The following CDKAL1 variants were observed in gnomAD, a reference collection of about 807,000 sequenced individuals.
CDKAL1 encodes the protein threonylcarbamoyladenosine tRNA methylthiotransferase.
In CDKAL1, 32 loss-of-function variants were observed where a neutral mutation model predicts 68.2. The observed-to-expected ratio is 0.47, with a 90% CI of 0.35 to 0.63. The LOEUF is 0.63. Ranked by LOEUF, CDKAL1 falls within the 30% of genes least tolerant of loss-of-function variation. CDKAL1 has a pLI of 0.00. For synonymous variants in CDKAL1, 234 were observed against 244.3 expected, an observed-to-expected ratio of 0.96 and a Z score of 0.39; for missense variants, 606 against 696.7, an observed-to-expected ratio of 0.87 and a Z score of 1.47.
At chr6:20,571,268 A>G (rs1327956964) in intron 4 of CDKAL1, among the ~76,000 whole-genome samples, 3 of 152,198 alleles carry the variant, frequency 2.0e-5, no homozygotes, top group African/African-American at 7.2e-5. Context: ...TTCATATATA[A>G]AATAAGCAAG....
At chr6:21,045,785 G>A (rs532293508) in intron 11 of CDKAL1, among the ~76,000 whole-genome samples, 1 of 152,222 alleles carries the variant, frequency 6.6e-6, no homozygotes, top group Admixed American at 6.5e-5. Context: ...ATGATGGAGG[G>A]GTGCTGAGAA....
At chr6:20,863,433 CTTAT>C (rs982518068) in intron 9 of CDKAL1, among the ~76,000 whole-genome samples, 5 of 151,820 alleles carry the variant, frequency 3.3e-5, no homozygotes, top group African/African-American at 9.6e-5. Flanking sequence ...TTGGGTCTTA[CTTAT>C]CTTGATATCA....
chr6:21,225,257 C>A (rs1779698000), intron 15 of CDKAL1, among the ~76,000 whole-genome samples: 1 of 152,100 alleles, frequency 6.6e-6, no homozygotes, highest in South Asian at 2.1e-4. Context: ...CCTGAGCAAG[C>A]AGTAAGTAGA....
intron 10 of CDKAL1, among the ~76,000 whole-genome samples, chr6:20,996,677 TAA>T (rs1234678746): frequency 5.9e-5 from 9 of 152,138 alleles, no homozygotes; most frequent in African/African-American, 2.2e-4. Context: ...AGTAATAATT[TAA>T]AAAGTCTAAA....
rs118143563 is a variant in CDKAL1 at position 21,103,497 on chromosome 6, T to C, written c.1237-4904T>C. Reference sequence around the variant, plus strand: ...TGGAGAGTGGAATATAAAAGCAATTTATGAAGTGCCTGTAAGATGAAGATT... The same window carrying C: ...TGGAGAGTGGAATATAAAAGCAATTCATGAAGTGCCTGTAAGATGAAGATT... On this transcript the variant is annotated intron_variant, in intron 12 of 15. Transcript: ENST00000274695. Among the ~76,000 whole-genome samples, 35 of 152,214 alleles carry C rather than the reference T, an allele frequency of 2.3e-4. No individual in the cohort carries two copies. In the East Asian group the frequency reaches 6.6e-3, roughly 29 times the overall value.
chr6:20,957,008 TAAAAA>T (rs70990087), intron 10 of CDKAL1, among the ~76,000 whole-genome samples: 1 of 113,828 alleles, frequency 8.8e-6, no homozygotes, highest in African/African-American at 3.5e-5. Context: ...TGATTCTCTG[TAAAAA>T]AAAAAAAAAA....
intron 4 of CDKAL1, among the ~76,000 whole-genome samples, chr6:20,632,753 A>C (rs978474694): frequency 9.9e-5 from 15 of 152,032 alleles, no homozygotes; most frequent in African/African-American, 3.6e-4. Context: ...CTATCTCCTG[A>C]GTTTGGCTCT....
At chr6:20,989,118 T>C (rs1766654615) in intron 10 of CDKAL1, among the ~76,000 whole-genome samples, 1 of 151,754 alleles carries the variant, frequency 6.6e-6, no homozygotes, top group Admixed American at 6.6e-5. Flanking sequence ...CAAACAGTAA[T>C]ACGGTTTACC....
At chr6:20,558,656 C>T in intron 4 of CDKAL1, 1 of 452,356 alleles carries the variant, frequency 2.2e-6, no homozygotes, top group Non-Finnish European at 4.5e-6. Flanking sequence ...TTCATCACAC[C>T]ACATTTCCAT....
At chr6:21,093,890 C>G (rs2150974075) in intron 12 of CDKAL1, among the ~76,000 whole-genome samples, 1 of 126,476 alleles carries the variant, frequency 7.9e-6, no homozygotes, top group South Asian at 3.0e-4. Flanking sequence ...ACCACCACAC[C>G]TGGCTTTTTT....
At chr6:20,789,972 G>C (rs917381102) in intron 8 of CDKAL1, among the ~76,000 whole-genome samples, 3 of 152,108 alleles carry the variant, frequency 2.0e-5, no homozygotes, top group South Asian at 2.1e-4. Flanking sequence ...TAATTTTTTT[G>C]TAGAGATAAG....
In CDKAL1 at chr6:20,717,882, C is replaced by T. The variant is rs139265771; in HGVS notation, c.372-21637C>T. Among the ~76,000 whole-genome samples, 511 of 152,166 alleles carry T rather than the reference C, an allele frequency of 3.4e-3. 5 individuals are homozygous for T. Among genetic ancestry groups the T allele is most frequent in the African/African-American group, 0.012 (481 of 41,506 alleles). On this transcript the variant is annotated intron_variant, in intron 5 of 15. Coordinates refer to ENST00000274695, the MANE Select transcript of CDKAL1 (RefSeq NM_017774.3). ...TCTGGTTCTCTAATTTTTCATCAGG[C>T]ACAGTAGAGAAGGAGAAAGGATGGT...
At chr6:21,176,438 A>G (rs1483822233) in intron 13 of CDKAL1, among the ~76,000 whole-genome samples, 1 of 152,262 alleles carries the variant, frequency 6.6e-6, no homozygotes, top group African/African-American at 2.4e-5. Flanking sequence ...AAGACAAGTG[A>G]GTCTGCTAAA....
chr6:20,961,216 A>G (rs368734574), intron 10 of CDKAL1, among the ~76,000 whole-genome samples: 5 of 152,160 alleles, frequency 3.3e-5, no homozygotes, highest in African/African-American at 9.7e-5. Context: ...TAGACTGGAT[A>G]AAGACAGTGT....
At chr6:20,602,699 T>C (rs771147979) in intron 4 of CDKAL1, among the ~76,000 whole-genome samples, 31 of 152,216 alleles carry the variant, frequency 2.0e-4, no homozygotes, top group Admixed American at 3.9e-4. Flanking sequence ...TTCTCCATGA[T>C]TCCTCAGAGG....
chr6:20,958,977 C>T (rs73735036), intron 10 of CDKAL1, among the ~76,000 whole-genome samples: 61 of 152,098 alleles, frequency 4.0e-4, no homozygotes, highest in African/African-American at 1.3e-3. Context: ...AAAAGTATGC[C>T]GGGGAAAGAT....
chr6:20,562,154 T>G (rs7753519), intron 4 of CDKAL1, among the ~76,000 whole-genome samples: 117,893 of 152,060 alleles, frequency 0.78, 45,819 homozygotes, highest in Middle Eastern at 0.9. Flanking sequence ...GCAGAGAGAT[T>G]ATCTTGGAGT....
At chr6:20,806,444 T>A (rs1776575084) in intron 8 of CDKAL1, among the ~76,000 whole-genome samples, 1 of 152,202 alleles carries the variant, frequency 6.6e-6, no homozygotes, top group Non-Finnish European at 1.5e-5. Flanking sequence ...TGAACATACA[T>A]GTTTCTTTAT....
chr6:21,095,709 TA>T (rs1378902276), intron 12 of CDKAL1, among the ~76,000 whole-genome samples: 2 of 151,794 alleles, frequency 1.3e-5, no homozygotes, highest in Non-Finnish European at 2.9e-5. Flanking sequence ...CTCTACAACA[TA>T]AAAAAGAAAA....
Sources: allele counts gnomAD v4.1 joint callset (sites outside exome capture counted in the v4.1 genomes callset), GRCh38; gene constraint gnomAD v4.1.1; transcripts MANE v1.5; gene names NCBI Gene and HGNC (gene_info 2026-07-23, HGNC 2026-07-21).